METTL22: variants seen among roughly 807,000 people sequenced by gnomAD.
The protein encoded by METTL22 is methyltransferase-like protein 22.
A neutral mutation model predicts 48.4 loss-of-function variants in METTL22; 51 were observed. That is an observed-to-expected ratio of 1.05 (90% confidence interval 0.84 to 1.33). The LOEUF (loss-of-function observed/expected upper bound fraction) is 1.33, where lower values mean the gene tolerates loss of function less well. Ranked by LOEUF, METTL22 falls within the 40% of genes most tolerant of loss-of-function variation. The probability of loss-of-function intolerance (pLI) is 0.00; values close to 1 mark genes in which losing one functional copy is unlikely to be tolerated. For synonymous variants in METTL22, 255 were observed against 214.1 expected (o/e 1.19, Z -1.67); for missense variants, 678 against 526.9 (o/e 1.29, Z -2.81).
intron 2 of METTL22, among the ~76,000 whole-genome samples, chr16:8,627,592 G>C (rs779610423): frequency 7.2e-5 from 11 of 152,120 alleles, no homozygotes; most frequent in Admixed American, 3.3e-4. Context: ...ACAAACTGCA[G>C]CCTGTGAGCC....
In METTL22 at chr16:8,646,748, A is replaced by T; in HGVS notation, c.*605A>T. The T allele has an allele frequency of 4.5e-6, 2 of 444,642 alleles. No homozygotes were observed. Among genetic ancestry groups the T allele is most frequent in the Non-Finnish European group, 9.2e-6 (2 of 218,556 alleles). 27.5% of individuals were successfully genotyped at this position (444,642 alleles called of 1,614,324 possible). A position where few individuals can be genotyped will look rare whatever the true frequency, so the allele number is the denominator to read the frequency against. On this transcript the variant is annotated 3_prime_UTR_variant, in exon 11 of 11. Coordinates refer to ENST00000381920, the MANE Select transcript of METTL22 (RefSeq NM_024109.4). ...TACGTTTGGAATAAACCTAAGAGCC[A>T]CTCTTTGGGGTCATGTGCAGCTGAC...
rs2056022133 is a variant in METTL22 at position 8,625,679 on chromosome 16, C to T, written c.14C>T (p.Ala5Val). ...GGAGCCTGGGCCATGGTACAGCTGG[C>T]TCCTGCGGCAGCCATGGACGAGGTC... Reference protein sequence around the residue: MVQLAPAAAMDEVTF... With the variant: MVQLVPAAAMDEVTF... The change falls in exon 2 of 11, where the codon GCT (alanine) becomes GTT (valine). Residue 5 changes from alanine (A) to valine (V), a missense_variant. Physicochemically the swap from Ala to Val is moderately conservative, Grantham distance 64. Transcript: ENST00000381920. The T allele has an allele frequency of 6.2e-7, 1 of 1,614,160 alleles. No individual in the cohort carries two copies. The highest frequency in any genetic ancestry group is 8.5e-7 in the Non-Finnish European group (1 of 1,180,020).
At chr16:8,660,198 A>G in the METTL22 span, among the ~76,000 whole-genome samples, 1 of 151,428 alleles carries the variant, frequency 6.6e-6, no homozygotes, top group Non-Finnish European at 1.5e-5. Context: ...TTGTTTTGAG[A>G]TGGAGTCTCA....
At chr16:8,634,204 C>T (rs1434088621) in intron 3 of METTL22, among the ~76,000 whole-genome samples, 1 of 152,218 alleles carries the variant, frequency 6.6e-6, no homozygotes, top group African/African-American at 2.4e-5. Flanking sequence ...GAGGAGCCCT[C>T]AGAGAACAGT....
At position 8,625,752 on chromosome 16, in the gene METTL22, G is replaced by A. The variant is rs35084049; in HGVS notation, c.87G>A (p.Pro29=). 4,973 of 1,614,142 alleles carry A rather than the reference G, an allele frequency of 3.1e-3. 123 individuals are homozygous for A. In the African/African-American group the frequency reaches 0.057, roughly 18 times the overall value. ...TGTCAGATGTCCACCTCTATACCCC[G>A]AACCATAGACATCTCATGGTACGGC... is the stretch of plus-strand genomic sequence containing the variant. ...TVLSDVHLYT[P]NHRHLMVRLN... Residue 29 remains proline, a synonymous_variant, in exon 2 of 11, where the codon CCG becomes CCA. Coordinates refer to ENST00000381920, the MANE Select transcript of METTL22 (RefSeq NM_024109.4).
chr16:8,660,624 T>C, the METTL22 span, among the ~76,000 whole-genome samples: 27 of 151,994 alleles, frequency 1.8e-4, no homozygotes, highest in Non-Finnish European at 2.8e-4. Flanking sequence ...CACTACTGAC[T>C]TTAAGATAAT....
At chr16:8,659,893 T>G in the METTL22 span, among the ~76,000 whole-genome samples, 2 of 151,968 alleles carry the variant, frequency 1.3e-5, no homozygotes, top group African/African-American at 2.4e-5. Flanking sequence ...CCCAGCTAAT[T>G]TTTTGTATTT....
In METTL22 at chr16:8,624,125, A is replaced by G. The variant is rs191345249; in HGVS notation, c.-170-1371A>G. 125 of 152,342 alleles carry G rather than the reference A, an allele frequency of 8.2e-4. 1 individual carries two copies. Among genetic ancestry groups the G allele is most frequent in the African/African-American group, 2.9e-3 (122 of 41,578 alleles). The allele number at this position is 152,342 out of a possible 1,614,324, so 9.4% of individuals were successfully genotyped here. On this transcript the variant is annotated intron_variant, in intron 1 of 10. Transcript: ENST00000381920. ...GAAATCACATGGCTAGAAGGTGAGA[A>G]ACCAGGGATCCCCACCTGGTCTGTC...
At chr16:8,641,852 G>C in intron 7 of METTL22, 1 of 558,696 alleles carries the variant, frequency 1.8e-6, no homozygotes, top group Non-Finnish European at 3.2e-6. Flanking sequence ...CCTGCACTGG[G>C]CCACAGGCCA....
intron 3 of METTL22, among the ~76,000 whole-genome samples, chr16:8,630,425 G>T (rs540840529): frequency 6.6e-6 from 1 of 152,308 alleles, no homozygotes; most frequent in African/African-American, 2.4e-5. Context: ...CAGCTAGTCA[G>T]TGGCAGAGCT....
downstream of METTL22, among the ~76,000 whole-genome samples, chr16:8,652,677 T>G (rs1348053229): frequency 6.0e-5 from 8 of 132,864 alleles, no homozygotes; most frequent in Non-Finnish European, 1.0e-4. Flanking sequence ...AATAATTATT[T>G]TAAAAAAAAA....
At chr16:8,664,866 C>CA in the METTL22 span, among the ~76,000 whole-genome samples, 26,133 of 152,028 alleles carry the variant, frequency 0.17, 2,539 homozygotes, top group Admixed American at 0.29. Context: ...TAGAGCAGCC[C>CA]GCACCTGAGC....
At chr16:8,645,834 C>A in intron 10 of METTL22, 2 of 935,992 alleles carry the variant, frequency 2.1e-6, no homozygotes, top group Non-Finnish European at 2.7e-6. Context: ...CAACTCACTG[C>A]TATTCTGGTC....
the METTL22 span, among the ~76,000 whole-genome samples, chr16:8,663,717 G>T: frequency 3.3e-5 from 5 of 152,180 alleles, no homozygotes; most frequent in Non-Finnish European, 7.3e-5. Flanking sequence ...AGCAACTGAG[G>T]CTTGGAGAAA....
intron 2 of METTL22, among the ~76,000 whole-genome samples, chr16:8,627,228 C>T (rs1458615485): frequency 6.6e-6 from 1 of 152,158 alleles, no homozygotes; most frequent in African/African-American, 2.4e-5. Flanking sequence ...CTTTCCGTTG[C>T]TCTCAGAATA....
intron 5 of METTL22, among the ~76,000 whole-genome samples, chr16:8,636,433 G>T (rs2056423916): frequency 6.6e-6 from 1 of 150,428 alleles, no homozygotes; most frequent in Non-Finnish European, 1.5e-5. Flanking sequence ...AGCTACTTGG[G>T]AGGCTTGAAC....
At chr16:8,663,975 C>T in the METTL22 span, among the ~76,000 whole-genome samples, 3 of 152,174 alleles carry the variant, frequency 2.0e-5, no homozygotes, top group Admixed American at 2.0e-4. Context: ...CCCCCGACCA[C>T]AGTCATGACA....
intron 9 of METTL22, 49 bp from the exon 10 acceptor site, chr16:8,644,508 C>T: frequency 6.7e-7 from 1 of 1,502,574 alleles, no homozygotes; most frequent in East Asian, 2.5e-5. Context: ...ACAGCAAAAC[C>T]CTTCCCATTG....
At chr16:8,652,179 C>T (rs184666375), downstream of METTL22, among the ~76,000 whole-genome samples, 3 of 152,178 alleles carry the variant, frequency 2.0e-5, no homozygotes, top group Non-Finnish European at 4.4e-5. Flanking sequence ...GAGATGTAGG[C>T]CGGGCGCGGT....
Sources: allele counts gnomAD v4.1 joint callset (sites outside exome capture counted in the v4.1 genomes callset), GRCh38; gene constraint gnomAD v4.1.1; transcripts MANE v1.5; gene names NCBI Gene and HGNC (gene_info 2026-07-23, HGNC 2026-07-21).